The following CBLB variants were observed in gnomAD, a reference collection of about 807,000 sequenced individuals.
The protein encoded by CBLB is Cbl proto-oncogene B, also known as E3 ubiquitin-protein ligase CBL-B.
Under a neutral mutation model 104.9 loss-of-function variants are expected in CBLB, and 31 were observed. The ratio of observed to expected loss-of-function variants is 0.30; its 90% CI spans 0.22 to 0.40. The LOEUF is 0.40. Ranked by LOEUF, CBLB falls within the 10% of genes least tolerant of loss-of-function variation. The pLI is 1.00. For synonymous variants in CBLB, 440 were observed against 422.6 expected (o/e 1.04, Z -0.51); for missense variants, 1,062 against 1,214.6 (o/e 0.87, Z 1.87).
At chr3:105,825,272 C>A (rs1293223470) in intron 3 of CBLB, among the ~76,000 whole-genome samples, 1 of 152,098 alleles carries the variant, frequency 6.6e-6, no homozygotes, top group Non-Finnish European at 1.5e-5. Context: ...GAATTTAGAA[C>A]CAGAGTGGGA....
chr3:105,790,951 G>A (rs754579436), intron 3 of CBLB, among the ~76,000 whole-genome samples: 3 of 152,198 alleles, frequency 2.0e-5, no homozygotes, highest in Admixed American at 6.5e-5. Context: ...CAGGAATTCA[G>A]AGGTCTGCAT....
intron 9 of CBLB, among the ~76,000 whole-genome samples, chr3:105,730,890 C>T (rs1407748284): frequency 6.6e-6 from 1 of 152,090 alleles, no homozygotes; most frequent in Non-Finnish European, 1.5e-5. Flanking sequence ...TCTCACATAA[C>T]TTTTAAAATT....
intron 14 of CBLB, among the ~76,000 whole-genome samples, chr3:105,684,737 G>A (rs921023542): frequency 6.6e-6 from 1 of 152,004 alleles, no homozygotes; most frequent in African/African-American, 2.4e-5. Context: ...ATTTTTAGTA[G>A]AGACAGGGTT....
At chr3:105,679,837 T>C (rs1378942213) in intron 16 of CBLB, among the ~76,000 whole-genome samples, 1 of 152,188 alleles carries the variant, frequency 6.6e-6, no homozygotes, top group Admixed American at 6.5e-5. Flanking sequence ...CACTAATTTC[T>C]TTAATCATAT....
chr3:105,782,863 G>A (rs1297008519), intron 3 of CBLB, among the ~76,000 whole-genome samples: 2 of 152,068 alleles, frequency 1.3e-5, no homozygotes, highest in Non-Finnish European at 2.9e-5. Context: ...TGAGCCAACT[G>A]AGCCCGGCCT....
chr3:105,867,305 G>C, intron 2 of CBLB, 105 bp downstream of exon 2: 10 of 1,054,008 alleles, frequency 9.5e-6, no homozygotes, highest in Non-Finnish European at 1.5e-5. Flanking sequence ...TCAAAAGATT[G>C]TTGCCATAAC....
At position 105,685,476 on chromosome 3, in the gene CBLB, G is replaced by A; in HGVS notation, c.2055-10C>T. The A allele has an allele frequency of 6.2e-7, 1 of 1,609,142 alleles. No individual in the cohort carries two copies. The highest frequency in any genetic ancestry group is 8.5e-7 in the Non-Finnish European group (1 of 1,176,248). ...TAACGGACCAGTACACCTACCAGGG[G>A]AAAAAAAATCCAATCTAGTTTAAGC... On this transcript the variant is annotated splice_polypyrimidine_tract_variant and intron_variant, in intron 13 of 18. Transcript: ENST00000394030.
intron 12 of CBLB, among the ~76,000 whole-genome samples, chr3:105,699,899 A>T (rs779059924): frequency 1.3e-5 from 2 of 152,200 alleles, no homozygotes; most frequent in Non-Finnish European, 2.9e-5. Context: ...ACATGAAATT[A>T]ACTGGAGGAT....
rs1322223097 is a variant in CBLB at position 105,828,972 on chromosome 3, A to C, written c.419+24442T>G. ...GAAGCTTCTAGGGAACCTCTATACC[A>C]CATTTCTAGACCAGAATATTTAACA... On this transcript the variant is annotated intron_variant, in intron 3 of 18. Coordinates refer to ENST00000394030, the MANE Select transcript of CBLB (RefSeq NM_170662.5). Among the ~76,000 whole-genome samples, 5 of 151,990 alleles carry C rather than the reference A, an allele frequency of 3.3e-5. No individual in the cohort carries two copies. In the East Asian group the frequency reaches 9.6e-4, roughly 29 times the overall value.
chr3:105,869,173 C>T (rs1706745275), upstream of CBLB: 1 of 581,368 alleles, frequency 1.7e-6, no homozygotes, highest in African/African-American at 2.0e-5. Flanking sequence ...GCCGCCCCGT[C>T]CACGTCCTCC....
intron 2 of CBLB, among the ~76,000 whole-genome samples, chr3:105,857,140 T>C (rs890497766): frequency 2.6e-5 from 4 of 152,210 alleles, no homozygotes; most frequent in Non-Finnish European, 5.9e-5. Context: ...AACTGATACA[T>C]ACAAAATTTC....
chr3:105,786,831 T>C (rs2081081263), intron 3 of CBLB, among the ~76,000 whole-genome samples: 1 of 152,180 alleles, frequency 6.6e-6, no homozygotes, highest in African/African-American at 2.4e-5. Flanking sequence ...ATAGATAAAT[T>C]AGCACATCAC....
At chr3:105,868,018 T>G (rs2153164478) in intron 1 of CBLB, among the ~76,000 whole-genome samples, 1 of 152,284 alleles carries the variant, frequency 6.6e-6, no homozygotes, top group Non-Finnish European at 1.5e-5. Flanking sequence ...TTGGGAGCCT[T>G]ACGCAGAAAC....
At chr3:105,663,790 T>A (rs1189598524) in intron 18 of CBLB, among the ~76,000 whole-genome samples, 1 of 151,868 alleles carries the variant, frequency 6.6e-6, no homozygotes, top group Non-Finnish European at 1.5e-5. Context: ...GATGGTAAAA[T>A]GGTTTGTGGC....
intron 4 of CBLB, among the ~76,000 whole-genome samples, chr3:105,775,382 AAAAC>A (rs140257609): frequency 0.11 from 16,749 of 151,868 alleles, 1,147 homozygotes; most frequent in East Asian, 0.4. Flanking sequence ...AACAAAAACA[AAAAC>A]AAACAAAGGA....
At chr3:105,842,745 C>G (rs1321198085) in intron 3 of CBLB, among the ~76,000 whole-genome samples, 4 of 152,118 alleles carry the variant, frequency 2.6e-5, no homozygotes, top group Non-Finnish European at 5.9e-5. Flanking sequence ...GTGAAGGGAA[C>G]AGAATGAAGA....
At position 105,657,123 on chromosome 3, in the gene CBLB, C is replaced by A; in HGVS notation, c.*1847G>T. ...AAGGCCTGTGAGTCCTCATCTCATA[C>A]CATGAAAGCCAGACTGTCAAAAAAA... On this transcript the variant is annotated 3_prime_UTR_variant, in exon 19 of 19. Coordinates refer to ENST00000394030, the MANE Select transcript of CBLB (RefSeq NM_170662.5). 2 of 225,464 alleles carry A rather than the reference C, an allele frequency of 8.9e-6. No homozygotes were observed. The highest frequency in any genetic ancestry group is 1.8e-5 in the Non-Finnish European group (2 of 113,204). 14.0% of individuals were successfully genotyped at this position (225,464 alleles called of 1,614,324 possible).
intron 5 of CBLB, chr3:105,749,814 C>CT (rs1417953677): frequency 2.2e-4 from 49 of 224,970 alleles, no homozygotes; most frequent in South Asian, 6.0e-4. Flanking sequence ...TATCAGACAA[C>CT]TTTTTTTTCT....
At chr3:105,786,498 C>T (rs1216885015) in intron 3 of CBLB, among the ~76,000 whole-genome samples, 1 of 152,156 alleles carries the variant, frequency 6.6e-6, no homozygotes, top group Non-Finnish European at 1.5e-5. Context: ...AGCCAAACCA[C>T]TTGCATGACC....
Sources: gnomAD v4.1 joint callset for allele counts (sites outside exome capture counted in the v4.1 genomes callset) on GRCh38, gnomAD v4.1.1 for gene constraint, MANE v1.5 for transcripts, NCBI Gene and HGNC (gene_info 2026-07-23, HGNC 2026-07-21) for gene names.